The following SNX14 variants were observed in gnomAD, a reference collection of about 807,000 sequenced individuals.
SNX14 encodes the protein sorting nexin-14.
In SNX14, 93 loss-of-function variants were observed where a neutral mutation model predicts 133.8. The observed-to-expected ratio is 0.70, with a 90% CI of 0.59 to 0.83. The LOEUF is 0.83. SNX14 is among the 40% of genes least tolerant of loss of function. SNX14 has a pLI of 0.00. For missense variants in SNX14, 945 were observed against 1,094.9 expected (o/e 0.86, Z 1.93); for synonymous variants, 368 against 365.6 (o/e 1.01, Z -0.07).
chr6:85,572,976 G>T (rs965606423), intron 2 of SNX14, among the ~76,000 whole-genome samples: 1 of 152,150 alleles, frequency 6.6e-6, no homozygotes, highest in African/African-American at 2.4e-5. Context: ...AAAGAAAAAA[G>T]AAAGTGACAC....
intron 22 of SNX14, 47 bp from the exon 23 acceptor site, chr6:85,517,922 T>G: frequency 1.3e-6 from 2 of 1,579,974 alleles, no homozygotes; most frequent in Non-Finnish European, 1.7e-6. Context: ...AAGGTAATTT[T>G]TAGTACATAA....
chr6:85,574,406 C>G (rs1357048745), intron 1 of SNX14, 28 bp from the exon 2 acceptor site: 1 of 1,463,352 alleles, frequency 6.8e-7, no homozygotes. Flanking sequence ...ATAATTATTA[C>G]AACCAAAGAA....
At chr6:85,586,140 C>A (rs2842608) in intron 1 of SNX14, among the ~76,000 whole-genome samples, 41,530 of 152,002 alleles carry the variant, frequency 0.27, 6,719 homozygotes, top group East Asian at 0.39. Flanking sequence ...GTTTCCTCAA[C>A]AAGTCAATGG....
chr6:85,509,141 C>CTCTT (rs1771851219), intron 26 of SNX14, among the ~76,000 whole-genome samples: 1 of 152,164 alleles, frequency 6.6e-6, no homozygotes, highest in South Asian at 2.1e-4. Context: ...CAGAGGATAA[C>CTCTT]ACAAAGGAAT....
chr6:85,527,939 C>T (rs1779018944), intron 20 of SNX14, among the ~76,000 whole-genome samples: 1 of 151,964 alleles, frequency 6.6e-6, no homozygotes, highest in South Asian at 2.1e-4. Flanking sequence ...GAATACTATC[C>T]AGTATTCTTC....
At chr6:85,534,195 T>A (rs907240322) in intron 17 of SNX14, among the ~76,000 whole-genome samples, 4 of 152,136 alleles carry the variant, frequency 2.6e-5, no homozygotes, top group African/African-American at 9.7e-5. Context: ...GCTGGGCGCA[T>A]TGGCTTTCAC....
At chr6:85,543,509 C>A in intron 13 of SNX14, 96 bp downstream of exon 13, 1 of 1,086,096 alleles carries the variant, frequency 9.2e-7, no homozygotes, top group South Asian at 1.6e-5. Flanking sequence ...TAATAGCTGC[C>A]CATGTACTGC....
intron 1 of SNX14, among the ~76,000 whole-genome samples, chr6:85,591,256 G>GTT (rs536731678): frequency 6.9e-6 from 1 of 145,762 alleles, no homozygotes; most frequent in Admixed American, 6.9e-5. Flanking sequence ...ACACACATAA[G>GTT]TTTTTTTTTT....
At chr6:85,574,929 C>G (rs1244193156) in intron 1 of SNX14, among the ~76,000 whole-genome samples, 1 of 152,082 alleles carries the variant, frequency 6.6e-6, no homozygotes, top group African/African-American at 2.4e-5. Context: ...GGCTGATTAA[C>G]CCAAATTTGA....
In SNX14 at chr6:85,507,948, C is replaced by T. The variant is rs61744370; in HGVS notation, c.2745+20G>A. Reference sequence around the variant, plus strand: ...ACCAAACCTAGCCAGCATGAGTTTACGAGCTTTAATGAGCTTTACCTGCTT... The same window carrying T: ...ACCAAACCTAGCCAGCATGAGTTTATGAGCTTTAATGAGCTTTACCTGCTT... On this transcript the variant is annotated intron_variant, in intron 27 of 28. Coordinates refer to ENST00000314673, the MANE Select transcript of SNX14 (RefSeq NM_153816.6). The T allele has an allele frequency of 1.9e-4, 311 of 1,604,592 alleles. No individual in the cohort carries two copies. The African/African-American group carries it at 3.3e-3, about 17-fold the overall frequency.
intron 26 of SNX14, 120 bp from the exon 27 acceptor site, chr6:85,508,179 T>C: frequency 1.4e-6 from 2 of 1,444,902 alleles, no homozygotes; most frequent in Non-Finnish European, 1.8e-6. Context: ...TGCAAATCAA[T>C]ACTCCCCAAA....
chr6:85,578,520 G>A (rs1010106393), intron 1 of SNX14, among the ~76,000 whole-genome samples: 3 of 152,124 alleles, frequency 2.0e-5, no homozygotes, highest in African/African-American at 7.2e-5. Flanking sequence ...TTTTCCAGCA[G>A]CATTCAGTTT....
At chr6:85,546,992 G>A (rs1007392392) in intron 12 of SNX14, 120 bp downstream of exon 12, 39 of 511,118 alleles carry the variant, frequency 7.6e-5, no homozygotes, top group African/African-American at 5.4e-4. Context: ...AAAGGAAATC[G>A]AGTATATGAA....
intron 1 of SNX14, 119 bp downstream of exon 1, chr6:85,593,460 C>G (rs1562038855): frequency 7.1e-7 from 1 of 1,408,834 alleles, no homozygotes; most frequent in Non-Finnish European, 9.3e-7. Context: ...GCGGAGCTCG[C>G]TCTCCCCACT....
At chr6:85,517,426 C>A (rs1006034245) in intron 23 of SNX14, 17 of 165,992 alleles carry the variant, frequency 1.0e-4, no homozygotes, top group Admixed American at 8.8e-4. Context: ...TAATGCCATC[C>A]AATAAACATA....
chr6:85,593,091 G>A (rs530435452), intron 1 of SNX14, among the ~76,000 whole-genome samples: 5 of 152,186 alleles, frequency 3.3e-5, no homozygotes, highest in Admixed American at 2.0e-4. Context: ...CTTTATGATC[G>A]TCTGTTTTAT....
In SNX14 at chr6:85,534,189, G is replaced by T. The variant is rs562031721; in HGVS notation, c.1609-389C>A. Among the ~76,000 whole-genome samples, 177 of 152,246 alleles carry T rather than the reference G, an allele frequency of 1.2e-3. 1 individual carries two copies. Among genetic ancestry groups the T allele is most frequent in the African/African-American group, 3.9e-3 (163 of 41,546 alleles). On this transcript the variant is annotated intron_variant, in intron 17 of 28. Coordinates refer to ENST00000314673, the MANE Select transcript of SNX14 (RefSeq NM_153816.6). Reference sequence around the variant, plus strand: ...GGTTCTGAAAGATAATGTCAGGCTGGGCGCATTGGCTTTCACCTGTAATCC... The same window carrying T: ...GGTTCTGAAAGATAATGTCAGGCTGTGCGCATTGGCTTTCACCTGTAATCC...
intron 1 of SNX14, among the ~76,000 whole-genome samples, chr6:85,593,349 C>T (rs1279323071): frequency 6.6e-6 from 1 of 152,234 alleles, no homozygotes; most frequent in African/African-American, 2.4e-5. Flanking sequence ...AAAAAGGTAG[C>T]TCAGGAGACG....
chr6:85,538,869 A>T lies in SNX14; in HGVS notation c.1449-5T>A, dbSNP rs372761690. ...TCATCCAAACTTAGGCTACCTCTGC[A>T]ATAACAGGTATGTGAAATAATATAA... On this transcript the variant is annotated splice_region_variant and splice_polypyrimidine_tract_variant and intron_variant, in intron 15 of 28. Transcript: ENST00000314673. The T allele has an allele frequency of 8.8e-6, 14 of 1,594,890 alleles. No individual in the cohort carries two copies. Among genetic ancestry groups the T allele is most frequent in the Non-Finnish European group, 1.2e-5 (14 of 1,172,172 alleles).
Sources: gnomAD v4.1 joint callset for allele counts (sites outside exome capture counted in the v4.1 genomes callset) on GRCh38, gnomAD v4.1.1 for gene constraint, MANE v1.5 for transcripts, NCBI Gene and HGNC (gene_info 2026-07-23, HGNC 2026-07-21) for gene names.